FBXO34: variants seen among roughly 807,000 people sequenced by gnomAD.
The protein encoded by FBXO34 is F-box only protein 34.
In FBXO34, 12 loss-of-function variants were observed where a neutral mutation model predicts 24.5. The observed-to-expected ratio is 0.49, with a 90% CI of 0.31 to 0.79. The LOEUF is 0.79. Among genes scored for constraint, FBXO34 ranks in the 30% least tolerant of loss-of-function variants. The pLI, the probability that FBXO34 is intolerant of heterozygous loss-of-function variation, is 0.04. For synonymous variants in FBXO34, 320 were observed against 311.9 expected (o/e 1.03, Z -0.27); for missense variants, 823 against 857.7 (o/e 0.96, Z 0.51).
intron 1 of FBXO34, chr14:55,282,520 CT>C (rs1223558233): frequency 4.3e-5 from 10 of 233,676 alleles, no homozygotes; most frequent in Non-Finnish European, 9.0e-5. Flanking sequence ...ACATGCCAAT[CT>C]TGTGCCTTTC....
Position 55,353,449 on chromosome 14 carries a change from A to G in FBXO34, c.*923A>G, listed in dbSNP as rs1479365327. The G allele has an allele frequency of 6.0e-6, 1 of 167,112 alleles. No individual in the cohort carries two copies. The allele number at this position is 167,112 out of a possible 1,614,324, so 10.4% of individuals were successfully genotyped here. A position where few individuals can be genotyped will look rare whatever the true frequency, so the allele number is the denominator to read the frequency against. ...GGATACCAAATAATGGTTTAACTGG[A>G]CAACCTGAAAATTAGCATAGAAAAC... is the stretch of plus-strand genomic sequence containing the variant. On this transcript the variant is annotated 3_prime_UTR_variant, in exon 2 of 2. Coordinates refer to ENST00000313833, the MANE Select transcript of FBXO34 (RefSeq NM_017943.4).
In FBXO34 at chr14:55,352,836, A is replaced by T; in HGVS notation, c.*310A>T. The T allele has an allele frequency of 3.5e-6, 1 of 284,558 alleles. No homozygotes were observed. The highest frequency in any genetic ancestry group is 7.0e-6 in the Non-Finnish European group (1 of 142,474). 17.6% of individuals were successfully genotyped at this position (284,558 alleles called of 1,614,324 possible). On this transcript the variant is annotated 3_prime_UTR_variant, in exon 2 of 2. Transcript: ENST00000313833. Reference sequence around the variant, plus strand: ...AAAGGATGAAGACTCACCACCATCCAGGACATTCAGAAGAGTTCACTGCAG... The same window carrying T: ...AAAGGATGAAGACTCACCACCATCCTGGACATTCAGAAGAGTTCACTGCAG...
chr14:55,279,264 C>T (rs1438295548), intron 1 of FBXO34, among the ~76,000 whole-genome samples: 5 of 140,886 alleles, frequency 3.5e-5, no homozygotes, highest in Admixed American at 7.3e-5. Flanking sequence ...CCAGCCTGGG[C>T]GACATAAGCG....
At chr14:55,414,280 T>C in the FBXO34 span, 1 of 917,694 alleles carries the variant, frequency 1.1e-6, no homozygotes, top group Non-Finnish European at 1.7e-6. Context: ...GTAACGTACT[T>C]GTAACATCTA....
At chr14:55,393,811 A>G in the FBXO34 span, among the ~76,000 whole-genome samples, 3 of 152,078 alleles carry the variant, frequency 2.0e-5, no homozygotes, top group Non-Finnish European at 2.9e-5. Flanking sequence ...GGACTCCCAA[A>G]GTGCTGGGAT....
chr14:55,424,763 C>T, the FBXO34 span, among the ~76,000 whole-genome samples: 2 of 152,078 alleles, frequency 1.3e-5, no homozygotes, highest in Admixed American at 6.5e-5. Context: ...CCAATTATCC[C>T]GAGTTTTTAC....
At position 55,281,875 on chromosome 14, in the gene FBXO34, G is replaced by A. The variant is rs186196755; in HGVS notation, c.-11+10338G>A. ...TATCCCTGAATTGTAGGCACATATC[G>A]AAGGCTTAGCTTTTCCTTATCTTTA... is the stretch of plus-strand genomic sequence containing the variant. On this transcript the variant is annotated intron_variant, in intron 1 of 1. Transcript: ENST00000313833. 2.0e-5 allele frequency among the ~76,000 whole-genome samples: 3 copies of A among 151,772 alleles called. 1 individual carries two copies. The South Asian group carries it at 6.2e-4, about 31-fold the overall frequency.
downstream of FBXO34, among the ~76,000 whole-genome samples, chr14:55,373,944 A>G (rs571988877): frequency 8.5e-5 from 13 of 152,212 alleles, no homozygotes; most frequent in African/African-American, 3.1e-4. Flanking sequence ...TGAAAAGGGG[A>G]CTCCTGAAGT....
chr14:55,316,574 A>G (rs976773649), intron 1 of FBXO34, among the ~76,000 whole-genome samples: 5 of 151,600 alleles, frequency 3.3e-5, no homozygotes, highest in African/African-American at 1.2e-4. Context: ...CAAAAAAAAA[A>G]AAAAAAAGCC....
intron 1 of FBXO34, among the ~76,000 whole-genome samples, chr14:55,296,403 T>G (rs1223871329): frequency 7.3e-5 from 10 of 137,406 alleles, no homozygotes; most frequent in East Asian, 2.1e-4. Context: ...TTTTTTTTTT[T>G]TTTTTTTTTT....
At chr14:55,371,666 T>C (rs1884820607), downstream of FBXO34, among the ~76,000 whole-genome samples, 1 of 152,032 alleles carries the variant, frequency 6.6e-6, no homozygotes, top group Non-Finnish European at 1.5e-5. Context: ...TAGCTGGGTG[T>C]GATGGCGGGC....
At chr14:55,323,983 C>A (rs1340616919) in intron 1 of FBXO34, among the ~76,000 whole-genome samples, 1 of 152,130 alleles carries the variant, frequency 6.6e-6, no homozygotes, top group African/African-American at 2.4e-5. Context: ...TTAGTGTATT[C>A]ACAAAGTTGT....
exon 3 of FBXO34, chr14:55,367,625 T>C (rs966479414): frequency 2.6e-5 from 4 of 152,016 alleles, no homozygotes; most frequent in Admixed American, 1.3e-4. Flanking sequence ...GTGCCTATAA[T>C]CCCAGCTACT....
chr14:55,307,511 G>C (rs1054779393), intron 1 of FBXO34, among the ~76,000 whole-genome samples: 1 of 152,134 alleles, frequency 6.6e-6, no homozygotes, highest in Admixed American at 6.5e-5. Flanking sequence ...ATTTACTTCT[G>C]TCTGGTTTAG....
chr14:55,441,289 G>A, the FBXO34 span, among the ~76,000 whole-genome samples: 13,344 of 152,172 alleles, frequency 0.088, 616 homozygotes, highest in African/African-American at 0.11. Context: ...AATTACAGGC[G>A]GGTGCCACCA....
chr14:55,333,400 C>T (rs1342136358), intron 1 of FBXO34, among the ~76,000 whole-genome samples: 1 of 152,152 alleles, frequency 6.6e-6, no homozygotes, highest in African/African-American at 2.4e-5. Context: ...ATCAGATTCT[C>T]CTTTGTGGTT....
intron 1 of FBXO34, among the ~76,000 whole-genome samples, chr14:55,322,392 G>A (rs1883169864): frequency 6.6e-6 from 1 of 151,638 alleles, no homozygotes; most frequent in Admixed American, 6.6e-5. Context: ...ACTACATATA[G>A]TCTTTTCAGT....
chr14:55,286,637 A>G (rs1466906221), intron 1 of FBXO34, among the ~76,000 whole-genome samples: 1 of 152,166 alleles, frequency 6.6e-6, no homozygotes, highest in Non-Finnish European at 1.5e-5. Flanking sequence ...TGATAGGGTT[A>G]ATGATTGTAA....
At chr14:55,375,490 ATTTTTTTTT>A in the FBXO34 span, among the ~76,000 whole-genome samples, 43 of 117,804 alleles carry the variant, frequency 3.7e-4, 1 homozygote, top group African/African-American at 1.5e-3. Context: ...GCCGGGCTAA[ATTTTTTTTT>A]TTTTTTTTTT....
Sources: gnomAD v4.1 joint callset for allele counts (sites outside exome capture counted in the v4.1 genomes callset) on GRCh38, gnomAD v4.1.1 for gene constraint, MANE v1.5 for transcripts, NCBI Gene and HGNC (gene_info 2026-07-23, HGNC 2026-07-21) for gene names.